Variants in PELI1 observed in about 807,000 individuals in gnomAD.
PELI1 encodes pellino E3 ubiquitin protein ligase 1.
PELI1 carries 15 observed loss-of-function variants against 41.3 expected under a neutral mutation model. The observed-to-expected ratio is 0.36, with a 90% CI of 0.24 to 0.56. The LOEUF (loss-of-function observed/expected upper bound fraction) is 0.56, where lower values mean the gene tolerates loss of function less well. PELI1 is among the 20% of genes least tolerant of loss of function. The pLI, the probability that PELI1 is intolerant of heterozygous loss-of-function variation, is 0.82. For synonymous variants in PELI1, 178 were observed against 180.1 expected (o/e 0.99, Z 0.09); for missense variants, 403 against 525.5 (o/e 0.77, Z 2.28).
chr2:64,118,310 A>G (rs1310377462), intron 1 of PELI1, among the ~76,000 whole-genome samples: 1 of 152,176 alleles, frequency 6.6e-6, no homozygotes, highest in Non-Finnish European at 1.5e-5. Context: ...TTTCTCCCCA[A>G]AATTACAACT....
chr2:64,143,541 G>C (rs940899247), intron 1 of PELI1: 2 of 152,066 alleles, frequency 1.3e-5, no homozygotes, highest in African/African-American at 4.8e-5. Context: ...GGGACCCGGG[G>C]GTGAAATTAA....
chr2:64,100,449 G>T lies in PELI1; in HGVS notation c.252C>A (p.Ala84=). 1 of 1,588,044 alleles carries T rather than the reference G, an allele frequency of 6.3e-7. No homozygotes were observed. Among genetic ancestry groups the T allele is most frequent in the Non-Finnish European group, 8.6e-7 (1 of 1,156,740 alleles). Residue 84 remains alanine (A), a synonymous_variant, in exon 4 of 7, where the codon GCC becomes GCA. Coordinates refer to ENST00000358912, the MANE Select transcript of PELI1 (RefSeq NM_020651.4). Reference sequence around the variant, plus strand: ...GAGTATATTCAACCACCACAGTCTGGGCCCGAGATAAAGTATATGATATGC... The same window carrying T: ...GAGTATATTCAACCACCACAGTCTGTGCCCGAGATAAAGTATATGATATGC... The part of the protein sequence containing the change: ...QHSISYTLSR[A]QTVVVEYTHD...
At chr2:64,127,919 C>T (rs981666417) in intron 1 of PELI1, among the ~76,000 whole-genome samples, 2 of 152,094 alleles carry the variant, frequency 1.3e-5, no homozygotes, top group Admixed American at 6.5e-5. Context: ...TCCAATCAAC[C>T]ATCTCAGATA....
intron 1 of PELI1, among the ~76,000 whole-genome samples, chr2:64,120,468 C>T (rs1211223428): frequency 1.3e-5 from 2 of 152,238 alleles, no homozygotes. Flanking sequence ...TGCAAATCAT[C>T]GATAATCTCC....
chr2:64,097,030 C>T (rs1299715334), intron 4 of PELI1, among the ~76,000 whole-genome samples: 1 of 152,154 alleles, frequency 6.6e-6, no homozygotes, highest in African/African-American at 2.4e-5. Context: ...TTTAGGATGA[C>T]TGCAGAACAT....
chr2:64,125,525 C>T (rs527416358), intron 1 of PELI1, among the ~76,000 whole-genome samples: 2 of 152,290 alleles, frequency 1.3e-5, no homozygotes, highest in Admixed American at 1.3e-4. Context: ...ATAAGTTTCA[C>T]TTGATCCCTC....
At chr2:64,104,551 T>C (rs967537634) in intron 3 of PELI1, 150 bp downstream of exon 3, 3 of 1,241,216 alleles carry the variant, frequency 2.4e-6, no homozygotes, top group Non-Finnish European at 3.1e-6. Context: ...GCTCTTCAAA[T>C]ACCATGTCTC....
intron 1 of PELI1, among the ~76,000 whole-genome samples, chr2:64,109,356 A>G (rs1217286285): frequency 6.6e-6 from 1 of 152,194 alleles, no homozygotes; most frequent in Non-Finnish European, 1.5e-5. Context: ...ACAGAAAATC[A>G]TTCATCCTAG....
chr2:64,144,252 G>A lies in PELI1; in HGVS notation c.-241C>T, dbSNP rs958429158. 1 of 152,260 alleles carries A rather than the reference G, an allele frequency of 6.6e-6. No homozygotes were observed. Among genetic ancestry groups the A allele is most frequent in the African/African-American group, 2.4e-5 (1 of 41,460 alleles). The allele number at this position is 152,260 out of a possible 1,614,324, so 9.4% of individuals were successfully genotyped here. A position where few individuals can be genotyped will look rare whatever the true frequency, so the allele number is the denominator to read the frequency against. On this transcript the variant is annotated 5_prime_UTR_variant, in exon 1 of 7. Coordinates refer to ENST00000358912, the MANE Select transcript of PELI1 (RefSeq NM_020651.4). ...GTTGACCACGGAGCCGAGCGCTGAG[G>A]AGCCGCGGACGCAGGGAGAGGCGTT...
intron 1 of PELI1, among the ~76,000 whole-genome samples, chr2:64,113,290 CA>C (rs1479520606): frequency 2.1e-5 from 2 of 97,338 alleles, no homozygotes; most frequent in African/African-American, 3.9e-5. Flanking sequence ...AACTCTGTCT[CA>C]AAAAAAAAGA....
intron 1 of PELI1, among the ~76,000 whole-genome samples, chr2:64,140,812 A>C (rs1206550179): frequency 1.3e-5 from 2 of 148,450 alleles, no homozygotes; most frequent in Non-Finnish European, 1.5e-5. Context: ...AACAAACAAA[A>C]AAAAACCTAG....
intron 4 of PELI1, among the ~76,000 whole-genome samples, chr2:64,098,467 T>C (rs1350007090): frequency 6.6e-6 from 1 of 152,222 alleles, no homozygotes; most frequent in African/African-American, 2.4e-5. Flanking sequence ...CTTCTTTGCT[T>C]CTTTGCCATC....
intron 1 of PELI1, among the ~76,000 whole-genome samples, chr2:64,130,587 T>G (rs1681523881): frequency 6.6e-6 from 1 of 152,164 alleles, no homozygotes; most frequent in African/African-American, 2.4e-5. Flanking sequence ...AGCTGAACAC[T>G]CCTCCAAGGG....
intron 1 of PELI1, among the ~76,000 whole-genome samples, chr2:64,118,883 C>T (rs1218502121): frequency 1.3e-5 from 2 of 152,082 alleles, no homozygotes; most frequent in South Asian, 2.1e-4. Flanking sequence ...AGTACAATGA[C>T]AGCATCACCA....
At chr2:64,108,488 A>C (rs1680695843) in intron 1 of PELI1, 109 bp from the exon 2 acceptor site, 2 of 517,756 alleles carry the variant, frequency 3.9e-6, no homozygotes, top group Middle Eastern at 4.9e-4. Context: ...AACCATCACA[A>C]GGTATATACA....
rs1681938024 is a variant in PELI1, at chr2:64,142,303, A to G, written c.-70+1778T>C. 1.1e-4 allele frequency among the ~76,000 whole-genome samples: 16 copies of G among 152,336 alleles called. 1 individual carries two copies. In the South Asian group the frequency reaches 3.3e-3, roughly 32 times the overall value. Reference sequence around the variant, plus strand: ...AGGTTAGAAGGCTTTGGGAAAAAAAATAAAATAACGAACATCTCACTTTCA... The same window carrying G: ...AGGTTAGAAGGCTTTGGGAAAAAAAGTAAAATAACGAACATCTCACTTTCA... On this transcript the variant is annotated intron_variant, in intron 1 of 6. Transcript: ENST00000358912.
intron 1 of PELI1, among the ~76,000 whole-genome samples, chr2:64,141,702 T>C (rs1009122422): frequency 6.6e-6 from 1 of 152,180 alleles, no homozygotes; most frequent in Non-Finnish European, 1.5e-5. Context: ...TTAAATCAAA[T>C]GGAAACATCC....
At chr2:64,141,397 TAATAA>T (rs1269864826) in intron 1 of PELI1, among the ~76,000 whole-genome samples, 1 of 151,022 alleles carries the variant, frequency 6.6e-6, no homozygotes, top group Non-Finnish European at 1.5e-5. Flanking sequence ...TATATCTGTA[TAATAA>T]AATAATCCAA....
In PELI1 at chr2:64,094,547, C is replaced by G; in HGVS notation, c.*155G>C. 2.0e-6 allele frequency: 1 copy of G among 506,660 alleles called. No individual in the cohort carries two copies. The highest frequency in any genetic ancestry group is 3.5e-6 in the Non-Finnish European group (1 of 289,738). The allele number at this position is 506,660 out of a possible 1,614,324, so 31.4% of individuals were successfully genotyped here. A position where few individuals can be genotyped will look rare whatever the true frequency, so the allele number is the denominator to read the frequency against. ...TGCTTGAGTTTCCCAGATTTTTGCT[C>G]AGAAATTGCTACTATTTATTATAAA... On this transcript the variant is annotated 3_prime_UTR_variant, in exon 7 of 7. Transcript: ENST00000358912.
Sources: allele counts gnomAD v4.1 joint callset (sites outside exome capture counted in the v4.1 genomes callset), GRCh38; gene constraint gnomAD v4.1.1; transcripts MANE v1.5; gene names NCBI Gene and HGNC (gene_info 2026-07-23, HGNC 2026-07-21).